The following ZRANB1 variants were observed in gnomAD, a reference collection of about 807,000 sequenced individuals.
The protein encoded by ZRANB1 is zinc finger RANBP2-type containing 1.
In ZRANB1, 16 loss-of-function variants were observed where a neutral mutation model predicts 80.5. That is an observed-to-expected ratio of 0.20 (90% CI 0.13 to 0.30). The LOEUF (loss-of-function observed/expected upper bound fraction) is 0.30. Among genes scored for constraint, ZRANB1 ranks in the 10% least tolerant of loss-of-function variants. The pLI, the probability that ZRANB1 is intolerant of heterozygous loss-of-function variation, is 1.00. For synonymous variants in ZRANB1, 291 were observed against 293.1 expected, an observed-to-expected ratio of 0.99 and a Z score of 0.07; for missense variants, 576 against 862.6, an observed-to-expected ratio of 0.67 and a Z score of 4.16.
chr10:124,982,680 C>T (rs7094229), intron 6 of ZRANB1, among the ~76,000 whole-genome samples: 7,704 of 152,226 alleles, frequency 0.051, 625 homozygotes, highest in African/African-American at 0.17. Flanking sequence ...GGTTGATTTA[C>T]ATGAGACATG....
chr10:124,949,813 C>T (rs751441244), intron 1 of ZRANB1, among the ~76,000 whole-genome samples: 1 of 152,150 alleles, frequency 6.6e-6, no homozygotes, highest in Non-Finnish European at 1.5e-5. Flanking sequence ...AATTTTTATG[C>T]TGAAATACTC....
chr10:124,980,664 G>A (rs1951923482), intron 5 of ZRANB1, among the ~76,000 whole-genome samples: 1 of 152,136 alleles, frequency 6.6e-6, no homozygotes, highest in African/African-American at 2.4e-5. Flanking sequence ...TTTAAACTGA[G>A]TTAAACCTCT....
chr10:124,953,752 G>C (rs1951662885), intron 1 of ZRANB1, among the ~76,000 whole-genome samples: 1 of 152,110 alleles, frequency 6.6e-6, no homozygotes, highest in Non-Finnish European at 1.5e-5. Flanking sequence ...CATTACTTCT[G>C]TGTTGATAGC....
At chr10:124,948,395 T>G (rs1951602667) in intron 1 of ZRANB1, among the ~76,000 whole-genome samples, 1 of 152,198 alleles carries the variant, frequency 6.6e-6, no homozygotes, top group Non-Finnish European at 1.5e-5. Flanking sequence ...TACATGGATT[T>G]TCTACTGTGT....
chr10:124,952,071 C>T (rs1951643163), intron 1 of ZRANB1, among the ~76,000 whole-genome samples: 1 of 152,178 alleles, frequency 6.6e-6, no homozygotes, highest in African/African-American at 2.4e-5. Flanking sequence ...GTTCATCTCC[C>T]TCTACCCCCT....
At chr10:124,963,566 T>TTTTTTTTTTTTTTTTG (rs1564962082) in intron 1 of ZRANB1, among the ~76,000 whole-genome samples, 1 of 134,198 alleles carries the variant, frequency 7.5e-6, no homozygotes, top group Non-Finnish European at 1.6e-5. Context: ...TTTTTTTTTT[T>TTTTTTTTTTTTTTTTG]TTTTTTTTTT....
chr10:124,941,416 C>T (rs983128275), upstream of ZRANB1, among the ~76,000 whole-genome samples: 6 of 152,148 alleles, frequency 3.9e-5, no homozygotes, highest in East Asian at 7.7e-4. Flanking sequence ...TGCAGTGGTG[C>T]GATCTTAGCT....
At chr10:124,966,989 T>G (rs1422739234) in intron 2 of ZRANB1, among the ~76,000 whole-genome samples, 2 of 152,254 alleles carry the variant, frequency 1.3e-5, no homozygotes, top group African/African-American at 2.4e-5. Flanking sequence ...AATGTTTGAC[T>G]CATCATGTTT....
At chr10:124,938,706 G>GTT (rs546217856), upstream of ZRANB1, among the ~76,000 whole-genome samples, 24 of 146,916 alleles carry the variant, frequency 1.6e-4, no homozygotes, top group African/African-American at 5.9e-4. Flanking sequence ...ACATCATTAC[G>GTT]TTTTTTTTTT....
intron 1 of ZRANB1, among the ~76,000 whole-genome samples, chr10:124,963,550 G>GT (rs1564962032): frequency 1.2e-3 from 89 of 75,124 alleles, no homozygotes; most frequent in East Asian, 3.6e-3. Context: ...TTTTTTTTTT[G>GT]TTTGTTTTTT....
At chr10:124,940,193 G>C (rs1951522248), upstream of ZRANB1, among the ~76,000 whole-genome samples, 1 of 152,218 alleles carries the variant, frequency 6.6e-6, no homozygotes, top group African/African-American at 2.4e-5. Context: ...TAATTTGGCT[G>C]ACCAGCCCAG....
the ZRANB1 span, among the ~76,000 whole-genome samples, chr10:124,919,713 G>A: frequency 5.5e-5 from 8 of 145,270 alleles, no homozygotes; most frequent in South Asian, 2.3e-4. Context: ...CCGTGTTCAC[G>A]CCATTCTCCT....
chr10:124,940,651 A>G (rs1951526998), upstream of ZRANB1: 2 of 669,746 alleles, frequency 3.0e-6, no homozygotes, highest in Admixed American at 2.9e-5. Context: ...TGGACTTGGC[A>G]GGCAGGAACA....
chr10:124,926,592 T>C, the ZRANB1 span, among the ~76,000 whole-genome samples: 4 of 152,178 alleles, frequency 2.6e-5, no homozygotes, highest in African/African-American at 9.6e-5. Context: ...GAATACCTCC[T>C]GAAGGACCTG....
At chr10:124,937,778 T>C (rs1192210454), upstream of ZRANB1, among the ~76,000 whole-genome samples, 1 of 152,226 alleles carries the variant, frequency 6.6e-6, no homozygotes, top group East Asian at 1.9e-4. Flanking sequence ...AATTTAGTAG[T>C]AGTAAATGGT....
At position 124,987,934 on chromosome 10, in the gene ZRANB1, C is replaced by T. The variant is rs573847195; in HGVS notation, c.*2942C>T. 15 of 152,382 alleles carry T rather than the reference C, an allele frequency of 9.8e-5. No homozygotes were observed. Among genetic ancestry groups the T allele is most frequent in the African/African-American group, 3.6e-4 (15 of 41,542 alleles). The allele number at this position is 152,382 out of a possible 1,614,324, so 9.4% of individuals were successfully genotyped here. A position where few individuals can be genotyped will look rare whatever the true frequency, so the allele number is the denominator to read the frequency against. ...ACTCATGGGACTATTTGCAACACTT[C>T]TTTGTAAATATCATTTTGTTTGTTA... On this transcript the variant is annotated 3_prime_UTR_variant, in exon 9 of 9. Coordinates refer to ENST00000359653, the MANE Select transcript of ZRANB1 (RefSeq NM_017580.3).
chr10:124,937,261 G>A (rs192473082), upstream of ZRANB1, among the ~76,000 whole-genome samples: 583 of 143,778 alleles, frequency 4.1e-3, 1 homozygote, highest in Admixed American at 0.011. Context: ...GTCTCGGCTC[G>A]CTGCAACCTC....
intron 1 of ZRANB1, among the ~76,000 whole-genome samples, chr10:124,952,969 G>T (rs1288416201): frequency 6.6e-6 from 1 of 151,836 alleles, no homozygotes; most frequent in Non-Finnish European, 1.5e-5. Context: ...CTGTCACCCA[G>T]CCTGGAGTGC....
At chr10:124,949,950 A>C (rs1281281282) in intron 1 of ZRANB1, among the ~76,000 whole-genome samples, 1 of 152,174 alleles carries the variant, frequency 6.6e-6, no homozygotes, top group Admixed American at 6.6e-5. Flanking sequence ...CCTGTTGAAA[A>C]TCAATGACTT....
Sources: gnomAD v4.1 joint callset for allele counts (sites outside exome capture counted in the v4.1 genomes callset) on GRCh38, gnomAD v4.1.1 for gene constraint, MANE v1.5 for transcripts, NCBI Gene and HGNC (gene_info 2026-07-23, HGNC 2026-07-21) for gene names.